SGCD: variants seen among roughly 807,000 people sequenced by gnomAD.
SGCD encodes the protein delta-sarcoglycan.
SGCD carries 18 observed loss-of-function variants against 36.6 expected under a neutral mutation model. That is an observed-to-expected ratio of 0.49 (90% CI 0.34 to 0.73). The LOEUF (loss-of-function observed/expected upper bound fraction) is 0.73. Ranked by LOEUF, SGCD falls within the 30% of genes least tolerant of loss-of-function variation. The probability of loss-of-function intolerance (pLI) is 0.01; values close to 1 mark genes in which losing one functional copy is unlikely to be tolerated. For missense variants in SGCD, 387 were observed against 346.7 expected (o/e 1.12, Z -0.92); for synonymous variants, 133 against 130.6 (o/e 1.02, Z -0.12).
chr5:155,943,676 A>G (rs1013025492), intron 1 of SGCD, among the ~76,000 whole-genome samples: 1 of 152,186 alleles, frequency 6.6e-6, no homozygotes, highest in Non-Finnish European at 1.5e-5. Flanking sequence ...GTCAGTAACA[A>G]ATAGTCATCC....
chr5:155,848,636 A>G, the SGCD span, among the ~76,000 whole-genome samples: 1 of 152,168 alleles, frequency 6.6e-6, no homozygotes, highest in African/African-American at 2.4e-5. Flanking sequence ...TTGTATTAAT[A>G]GTACTTTTTT....
chr5:156,295,084 C>G (rs1766860120), intron 3 of SGCD, among the ~76,000 whole-genome samples: 1 of 151,982 alleles, frequency 6.6e-6, no homozygotes, highest in African/African-American at 2.4e-5. Context: ...TAGCATTCAC[C>G]CAATGAAGCC....
chr5:156,665,264 T>A (rs62380921), intron 7 of SGCD, among the ~76,000 whole-genome samples: 1 of 136,570 alleles, frequency 7.3e-6, no homozygotes, highest in African/African-American at 2.8e-5. Flanking sequence ...GATGGCCCCA[T>A]TAATTCTGGA....
At chr5:155,796,806 CAAAA>C in the SGCD span, among the ~76,000 whole-genome samples, 10 of 51,322 alleles carry the variant, frequency 1.9e-4, no homozygotes, top group East Asian at 6.2e-4. Context: ...AACTCCATCT[CAAAA>C]AAAAAAAAAA....
intron 7 of SGCD, among the ~76,000 whole-genome samples, chr5:156,737,437 T>C (rs569668873): frequency 6.6e-6 from 1 of 152,214 alleles, no homozygotes; most frequent in Non-Finnish European, 1.5e-5. Context: ...GCCTACTGTA[T>C]AGTAAGTATG....
Position 156,329,596 on chromosome 5 carries a change from A to G in SGCD, c.3+17A>G. The G allele has an allele frequency of 1.2e-6, 2 of 1,612,046 alleles. No homozygotes were observed. The highest frequency in any genetic ancestry group is 1.7e-6 in the Non-Finnish European group (2 of 1,178,640). ...GTGGAGATGGTGAGTAATTCCCGGGAGCGAAGCTTGTTCAAGGCCCTGCTC... is the reference window on the plus strand; with the variant it reads ...GTGGAGATGGTGAGTAATTCCCGGGGGCGAAGCTTGTTCAAGGCCCTGCTC... On this transcript the variant is annotated intron_variant, in intron 2 of 8. Transcript: ENST00000337851.
intron 1 of SGCD, among the ~76,000 whole-genome samples, chr5:155,940,971 C>A (rs764785863): frequency 1.2e-4 from 18 of 151,966 alleles, no homozygotes; most frequent in Non-Finnish European, 2.6e-4. Context: ...AGCTGAATAC[C>A]AGAGACTGGT....
chr5:155,826,625 T>G, the SGCD span, among the ~76,000 whole-genome samples: 2 of 152,220 alleles, frequency 1.3e-5, no homozygotes, highest in Non-Finnish European at 2.9e-5. Context: ...CAAATATCAC[T>G]TCTTCAGGTA....
intron 1 of SGCD, among the ~76,000 whole-genome samples, chr5:155,905,972 G>A (rs1756501559): frequency 6.6e-6 from 1 of 152,094 alleles, no homozygotes; most frequent in Non-Finnish European, 1.5e-5. Context: ...CAGATATGGT[G>A]TTTATTAAAA....
chr5:156,036,407 T>C (rs1229138033), intron 1 of SGCD, among the ~76,000 whole-genome samples: 1 of 152,206 alleles, frequency 6.6e-6, no homozygotes, highest in Non-Finnish European at 1.5e-5. Context: ...AGCATGACTC[T>C]ATCCAGGCTC....
chr5:155,986,673 T>A (rs983443748), intron 1 of SGCD, among the ~76,000 whole-genome samples: 6 of 152,186 alleles, frequency 3.9e-5, no homozygotes, highest in African/African-American at 7.2e-5. Flanking sequence ...GGCTACAGAA[T>A]GCACATAAAT....
intron 7 of SGCD, among the ~76,000 whole-genome samples, chr5:156,703,737 A>G (rs1406900000): frequency 6.6e-6 from 1 of 152,214 alleles, no homozygotes. Context: ...GCAAATGAAT[A>G]TAAAATAACA....
At chr5:156,611,074 A>T (rs972380436) in intron 6 of SGCD, among the ~76,000 whole-genome samples, 1 of 152,178 alleles carries the variant, frequency 6.6e-6, no homozygotes, top group Non-Finnish European at 1.5e-5. Context: ...AACAGTCCCC[A>T]GTGAGATGAA....
chr5:156,433,291 A>G (rs1435568400), intron 3 of SGCD, among the ~76,000 whole-genome samples: 3 of 152,084 alleles, frequency 2.0e-5, no homozygotes, highest in South Asian at 4.2e-4. Context: ...GCATCTCTCT[A>G]GTAAGTTGGG....
intron 1 of SGCD, among the ~76,000 whole-genome samples, chr5:155,932,964 A>C (rs1244730885): frequency 6.6e-6 from 1 of 152,056 alleles, no homozygotes; most frequent in Non-Finnish European, 1.5e-5. Flanking sequence ...GCTGGGAAAG[A>C]CCTTTCAGGT....
chr5:155,946,530 A>T (rs1757440159), intron 1 of SGCD, among the ~76,000 whole-genome samples: 2 of 152,148 alleles, frequency 1.3e-5, no homozygotes, highest in African/African-American at 4.8e-5. Context: ...TTAAAAAAAA[A>T]TTAATGCAAA....
At chr5:156,250,903 G>A (rs779444262) in intron 3 of SGCD, among the ~76,000 whole-genome samples, 1 of 152,148 alleles carries the variant, frequency 6.6e-6, no homozygotes, top group Non-Finnish European at 1.5e-5. Context: ...GTATCTTGTT[G>A]CTCTTTTAAT....
At chr5:156,299,894 A>G (rs939805950) in intron 3 of SGCD, among the ~76,000 whole-genome samples, 13 of 151,998 alleles carry the variant, frequency 8.6e-5, no homozygotes, top group African/African-American at 3.1e-4. Flanking sequence ...GGATAATTGG[A>G]CTTCCTTTCC....
intron 1 of SGCD, among the ~76,000 whole-genome samples, chr5:155,897,584 CACAA>C (rs1486115269): frequency 6.6e-6 from 1 of 151,976 alleles, no homozygotes; most frequent in Non-Finnish European, 1.5e-5. Flanking sequence ...CAGTTTAAAA[CACAA>C]ACACATTATA....
Sources: gnomAD v4.1 joint callset for allele counts (sites outside exome capture counted in the v4.1 genomes callset) on GRCh38, gnomAD v4.1.1 for gene constraint, MANE v1.5 for transcripts, NCBI Gene and HGNC (gene_info 2026-07-23, HGNC 2026-07-21) for gene names.